The following POC1B variants were observed in gnomAD, a reference collection of about 807,000 sequenced individuals.
POC1B encodes the protein POC1 centriolar protein homolog B.
Under a neutral mutation model 60.6 loss-of-function variants are expected in POC1B, and 44 were observed. The observed-to-expected ratio is 0.73, with a 90% confidence interval of 0.57 to 0.93. POC1B has a LOEUF of 0.93. Among genes scored for constraint, POC1B ranks in the 40% least tolerant of loss-of-function variants. The pLI is 0.00. For synonymous variants in POC1B, 180 were observed against 198.9 expected (o/e 0.90, Z 0.80); for missense variants, 555 against 572.3 (o/e 0.97, Z 0.31).
chr12:89,417,160 T>C (rs1880377658), downstream of POC1B, among the ~76,000 whole-genome samples: 1 of 152,218 alleles, frequency 6.6e-6, no homozygotes, highest in Non-Finnish European at 1.5e-5. Flanking sequence ...ATAATCTATT[T>C]GTAAATGAGA....
the POC1B span, among the ~76,000 whole-genome samples, chr12:89,412,456 A>G: frequency 0.029 from 4,325 of 150,364 alleles, 263 homozygotes; most frequent in East Asian, 0.25. Flanking sequence ...AGTCAGGTGG[A>G]TCACTTGAGG....
At chr12:89,517,044 T>C (rs1212290904) in intron 2 of POC1B, among the ~76,000 whole-genome samples, 1 of 152,060 alleles carries the variant, frequency 6.6e-6, no homozygotes, top group African/African-American at 2.4e-5. Context: ...CATGGACACA[T>C]GTTTTGGAGG....
downstream of POC1B, among the ~76,000 whole-genome samples, chr12:89,418,159 G>C (rs1040108506): frequency 2.0e-5 from 3 of 152,136 alleles, no homozygotes; most frequent in Admixed American, 2.0e-4. Flanking sequence ...GGGCACTTCT[G>C]AACAGGTACC....
At chr12:89,504,892 G>A (rs1327564979) in intron 2 of POC1B, among the ~76,000 whole-genome samples, 4 of 152,044 alleles carry the variant, frequency 2.6e-5, no homozygotes, top group South Asian at 2.1e-4. Context: ...ACCACTTGAG[G>A]CCAGGAGTTT....
At chr12:89,417,383 T>C (rs1028204874), downstream of POC1B, among the ~76,000 whole-genome samples, 1 of 152,204 alleles carries the variant, frequency 6.6e-6, no homozygotes, top group African/African-American at 2.4e-5. Context: ...CCAATCCAAA[T>C]ATTTTCTGTC....
At chr12:89,451,463 A>T (rs2120768639) in intron 10 of POC1B, among the ~76,000 whole-genome samples, 1 of 152,060 alleles carries the variant, frequency 6.6e-6, no homozygotes, top group South Asian at 2.1e-4. Context: ...AGTCAATTTG[A>T]CATTTAAGTG....
Position 89,475,821 on chromosome 12 carries a change from G to A in POC1B, c.453-3546C>T, listed in dbSNP as rs139052818. On this transcript the variant is annotated intron_variant, in intron 4 of 11. Coordinates refer to ENST00000313546, the MANE Select transcript of POC1B (RefSeq NM_172240.3). ...ACTGGATCAGCAAACATGGACATTC[G>A]AGAGTTTAAGAGGCATATGAGAAGT... 1.3e-3 allele frequency among the ~76,000 whole-genome samples: 198 copies of A among 151,660 alleles called. 1 individual carries two copies. The highest frequency in any genetic ancestry group is 4.5e-3 in the African/African-American group (184 of 41,304).
chr12:89,484,210 A>T (rs1868514461), intron 4 of POC1B, among the ~76,000 whole-genome samples: 1 of 152,218 alleles, frequency 6.6e-6, no homozygotes, highest in Non-Finnish European at 1.5e-5. Flanking sequence ...AGGAGAGAGG[A>T]TAAAGAAATA....
In POC1B at chr12:89,448,980, G is replaced by A. The variant is rs372431820; in HGVS notation, c.1113+10658C>T. 7.2e-5 allele frequency among the ~76,000 whole-genome samples: 11 copies of A among 152,182 alleles called. No individual in the cohort carries two copies. In the East Asian group the frequency reaches 1.3e-3, roughly 19 times the overall value. ...AAACTGGAGGTCCTCAGTACTTTCCGTTTTTTTCCCCACAACCAGAGATAT... is the reference window on the plus strand; with the variant it reads ...AAACTGGAGGTCCTCAGTACTTTCCATTTTTTTCCCCACAACCAGAGATAT... On this transcript the variant is annotated intron_variant, in intron 10 of 11. Coordinates refer to ENST00000313546, the MANE Select transcript of POC1B (RefSeq NM_172240.3).
intron 2 of POC1B, among the ~76,000 whole-genome samples, chr12:89,511,589 T>C (rs1301534829): frequency 6.6e-6 from 1 of 152,196 alleles, no homozygotes; most frequent in African/African-American, 2.4e-5. Flanking sequence ...GCCATGACTT[T>C]GTACTTCATG....
downstream of POC1B, among the ~76,000 whole-genome samples, chr12:89,416,020 T>C (rs918431241): frequency 6.6e-6 from 1 of 152,202 alleles, no homozygotes; most frequent in Non-Finnish European, 1.5e-5. Context: ...AAGTGAAGCA[T>C]AGAGCAATGT....
intron 10 of POC1B, among the ~76,000 whole-genome samples, chr12:89,446,861 C>A (rs1881813828): frequency 6.6e-6 from 1 of 151,986 alleles, no homozygotes; most frequent in Non-Finnish European, 1.5e-5. Flanking sequence ...TTGCAAAAAA[C>A]ATATGACAGG....
chr12:89,510,210 A>T (rs924975120), intron 2 of POC1B, among the ~76,000 whole-genome samples: 3 of 152,006 alleles, frequency 2.0e-5, no homozygotes, highest in African/African-American at 7.2e-5. Flanking sequence ...GTTCTTGTAC[A>T]CTTCCTTTTG....
At chr12:89,511,104 C>G (rs1168228761) in intron 2 of POC1B, among the ~76,000 whole-genome samples, 3 of 152,102 alleles carry the variant, frequency 2.0e-5, no homozygotes, top group African/African-American at 7.2e-5. Flanking sequence ...CATTCCCTCT[C>G]AGGCCTTTTC....
chr12:89,509,385 G>A (rs918600549), intron 2 of POC1B, among the ~76,000 whole-genome samples: 2 of 152,004 alleles, frequency 1.3e-5, no homozygotes, highest in African/African-American at 4.8e-5. Flanking sequence ...AGAATTACAC[G>A]ATGTTCTAAG....
At chr12:89,508,734 T>TG (rs1199334325) in intron 2 of POC1B, among the ~76,000 whole-genome samples, 2 of 152,172 alleles carry the variant, frequency 1.3e-5, no homozygotes, top group Non-Finnish European at 2.9e-5. Flanking sequence ...GATTAGATCA[T>TG]GGGGGCTGTT....
At chr12:89,443,078 T>G (rs1881605079) in intron 10 of POC1B, among the ~76,000 whole-genome samples, 1 of 152,172 alleles carries the variant, frequency 6.6e-6, no homozygotes, top group African/African-American at 2.4e-5. Flanking sequence ...ATGCACCCAA[T>G]GCAGGAGCAC....
intron 2 of POC1B, among the ~76,000 whole-genome samples, chr12:89,510,836 C>T (rs559795427): frequency 2.9e-4 from 43 of 149,624 alleles, no homozygotes; most frequent in South Asian, 1.5e-3. Flanking sequence ...CAGCTCACTG[C>T]GGCCTCTGCC....
chr12:89,444,810 C>G (rs1881700193), intron 10 of POC1B, among the ~76,000 whole-genome samples: 1 of 152,162 alleles, frequency 6.6e-6, no homozygotes, highest in Non-Finnish European at 1.5e-5. Flanking sequence ...AAGAGGAAGT[C>G]AAATTGTCCC....
Sources: allele counts gnomAD v4.1 joint callset (sites outside exome capture counted in the v4.1 genomes callset), GRCh38; gene constraint gnomAD v4.1.1; transcripts MANE v1.5; gene names NCBI Gene and HGNC (gene_info 2026-07-23, HGNC 2026-07-21).